The following SUPT3H variants were observed in gnomAD, a reference collection of about 807,000 sequenced individuals.
The protein encoded by SUPT3H is SPT3 homolog, SAGA and STAGA complex component, also known as transcription initiation protein SPT3 homolog.
SUPT3H carries 44 observed loss-of-function variants against 44.3 expected under a neutral mutation model. The ratio of observed to expected loss-of-function variants is 0.99; its 90% confidence interval spans 0.78 to 1.28. The LOEUF (loss-of-function observed/expected upper bound fraction) is 1.28, where lower values mean the gene tolerates loss of function less well. SUPT3H is among the 50% of genes most tolerant of loss of function. SUPT3H has a pLI of 0.00. For synonymous variants in SUPT3H, 124 were observed against 125.6 expected (o/e 0.99, Z 0.09); for missense variants, 380 against 387.1 (o/e 0.98, Z 0.15).
At chr6:45,062,135 C>T (rs1033989608) in intron 3 of SUPT3H, among the ~76,000 whole-genome samples, 4 of 151,652 alleles carry the variant, frequency 2.6e-5, no homozygotes, top group African/African-American at 4.9e-5. Flanking sequence ...TCTGATATGG[C>T]AAAGGATACA....
intron 6 of SUPT3H, among the ~76,000 whole-genome samples, 200 bp downstream of exon 6, chr6:45,003,453 A>T (rs1395083444): frequency 6.6e-6 from 1 of 152,166 alleles, no homozygotes. Flanking sequence ...AGAAAACAGA[A>T]GTTGTTTCCC....
intron 10 of SUPT3H, among the ~76,000 whole-genome samples, chr6:44,860,029 T>TA (rs1303492184): frequency 6.6e-6 from 1 of 152,174 alleles, no homozygotes; most frequent in African/African-American, 2.4e-5. Context: ...CTGAGAGTCC[T>TA]AAAAGAGTTT....
At chr6:45,038,847 T>C (rs1165816265) in intron 3 of SUPT3H, among the ~76,000 whole-genome samples, 2 of 152,204 alleles carry the variant, frequency 1.3e-5, no homozygotes, top group African/African-American at 4.8e-5. Context: ...TGGCAATTCA[T>C]TAAATTATAC....
chr6:45,237,044 A>G (rs1055571874), intron 2 of SUPT3H, among the ~76,000 whole-genome samples: 10 of 152,164 alleles, frequency 6.6e-5, no homozygotes, highest in African/African-American at 9.7e-5. Flanking sequence ...GAGCCAGGAG[A>G]GCGTATAGCA....
intron 3 of SUPT3H, chr6:45,098,195 G>C (rs1343092143): frequency 2.5e-5 from 4 of 159,292 alleles, no homozygotes; most frequent in African/African-American, 9.6e-5. Context: ...TTGTGCCCTG[G>C]GGTCCACATG....
At chr6:45,182,491 A>C (rs1230422934) in intron 2 of SUPT3H, among the ~76,000 whole-genome samples, 1 of 152,100 alleles carries the variant, frequency 6.6e-6, no homozygotes, top group Admixed American at 6.6e-5. Flanking sequence ...CAATCTTCTG[A>C]CCTCAGGTGA....
chr6:45,201,297 G>A (rs1470282936), intron 2 of SUPT3H, among the ~76,000 whole-genome samples: 1 of 151,548 alleles, frequency 6.6e-6, no homozygotes, highest in African/African-American at 2.4e-5. Flanking sequence ...ACTGCAACTT[G>A]CCAACTTAAA....
intron 10 of SUPT3H, among the ~76,000 whole-genome samples, chr6:44,884,328 G>A (rs1263713930): frequency 1.3e-5 from 2 of 152,140 alleles, no homozygotes; most frequent in Non-Finnish European, 2.9e-5. Flanking sequence ...CAGTTAGAAT[G>A]GTGATCATTA....
At chr6:45,181,182 G>A (rs1476571032) in intron 2 of SUPT3H, among the ~76,000 whole-genome samples, 1 of 114,924 alleles carries the variant, frequency 8.7e-6, no homozygotes, top group African/African-American at 3.5e-5. Flanking sequence ...TCTCACACCA[G>A]TTAGAATGGC....
At chr6:45,053,938 CT>C (rs1333114023) in intron 3 of SUPT3H, among the ~76,000 whole-genome samples, 1 of 147,976 alleles carries the variant, frequency 6.8e-6, no homozygotes, top group Non-Finnish European at 1.5e-5. Context: ...AAAAAAGTCA[CT>C]CTGACTTTCT....
At chr6:45,357,250 G>A (rs948737997) in intron 2 of SUPT3H, among the ~76,000 whole-genome samples, 4 of 152,114 alleles carry the variant, frequency 2.6e-5, no homozygotes, top group Admixed American at 6.5e-5. Context: ...CTTCTGACCC[G>A]CCCACCTCGG....
exon 12 of SUPT3H, chr6:44,809,413 G>T (rs1418797859): frequency 6.6e-6 from 1 of 152,198 alleles, no homozygotes; most frequent in East Asian, 1.9e-4. Context: ...TTAAACGAAG[G>T]AAGCTTGTTT....
chr6:45,262,618 C>T (rs764859364), intron 2 of SUPT3H, among the ~76,000 whole-genome samples: 1 of 152,056 alleles, frequency 6.6e-6, no homozygotes, highest in Non-Finnish European at 1.5e-5. Flanking sequence ...ATGGCCAAGT[C>T]CCCTAAAGCA....
intron 10 of SUPT3H, among the ~76,000 whole-genome samples, chr6:44,863,577 G>A (rs1317376095): frequency 2.6e-5 from 4 of 152,108 alleles, no homozygotes; most frequent in African/African-American, 9.7e-5. Flanking sequence ...AACATTAAGT[G>A]GAGTCTTTGA....
chr6:44,906,389 T>A (rs1031311638), intron 10 of SUPT3H, among the ~76,000 whole-genome samples: 18 of 152,306 alleles, frequency 1.2e-4, no homozygotes, highest in African/African-American at 4.1e-4. Context: ...CCACCAAATC[T>A]ATTTCACGAT....
intron 3 of SUPT3H, among the ~76,000 whole-genome samples, chr6:45,034,847 T>C (rs1191174567): frequency 1.3e-5 from 2 of 152,286 alleles, no homozygotes; most frequent in Non-Finnish European, 2.9e-5. Flanking sequence ...TGAGAACAGC[T>C]AAGTGACAAA....
intron 5 of SUPT3H, 110 bp downstream of exon 5, chr6:45,014,691 A>C: frequency 1.6e-6 from 1 of 620,256 alleles, no homozygotes. Context: ...ATTTGTTGAC[A>C]GTAAACAAAA....
intron 10 of SUPT3H, among the ~76,000 whole-genome samples, chr6:44,881,102 G>C (rs1433319192): frequency 6.6e-6 from 1 of 152,096 alleles, no homozygotes; most frequent in Non-Finnish European, 1.5e-5. Flanking sequence ...ACACAGACTG[G>C]CACATTGGAT....
At chr6:44,968,056 G>T (rs929493530) in intron 6 of SUPT3H, among the ~76,000 whole-genome samples, 3 of 152,060 alleles carry the variant, frequency 2.0e-5, no homozygotes, top group Admixed American at 1.3e-4. Flanking sequence ...GCCTCCCAAA[G>T]TGCTGGGATT....
Sources: allele counts gnomAD v4.1 joint callset (sites outside exome capture counted in the v4.1 genomes callset), GRCh38; gene constraint gnomAD v4.1.1; transcripts MANE v1.5; gene names NCBI Gene and HGNC (gene_info 2026-07-23, HGNC 2026-07-21).